Variants in LRP6 observed in about 807,000 individuals in gnomAD.
LRP6 encodes LDL receptor related protein 6.
Under a neutral mutation model 184.1 loss-of-function variants are expected in LRP6, and 43 were observed. The ratio of observed to expected loss-of-function variants is 0.23; its 90% confidence interval spans 0.18 to 0.30. The LOEUF is 0.30. Ranked by LOEUF, LRP6 falls within the 10% of genes least tolerant of loss-of-function variation. The pLI, the probability that LRP6 is intolerant of heterozygous loss-of-function variation, is 1.00. For synonymous variants in LRP6, 719 were observed against 684.9 expected, an observed-to-expected ratio of 1.05 and a Z score of -0.78; for missense variants, 1,571 against 2,005.3, an observed-to-expected ratio of 0.78 and a Z score of 4.14.
intron 16 of LRP6, 120 bp downstream of exon 16, chr12:12,138,205 G>T: frequency 3.2e-6 from 3 of 930,202 alleles, no homozygotes; most frequent in East Asian, 2.6e-5. Flanking sequence ...TCAAAAAAAT[G>T]GCAAAACTAA....
chr12:12,138,271 T>G, intron 16 of LRP6, 54 bp downstream of exon 16: 1 of 1,437,958 alleles, frequency 7.0e-7, no homozygotes, highest in Non-Finnish European at 9.8e-7. Context: ...AAGTACATAT[T>G]AATTTATTAT....
chr12:12,157,890 CT>C (rs1862637656), intron 12 of LRP6, among the ~76,000 whole-genome samples: 1 of 152,010 alleles, frequency 6.6e-6, no homozygotes, highest in African/African-American at 2.4e-5. Flanking sequence ...CAGGTTTCCC[CT>C]AGCCAACAAT....
At chr12:12,227,787 T>TCA (rs1050467347) in intron 2 of LRP6, among the ~76,000 whole-genome samples, 19 of 152,246 alleles carry the variant, frequency 1.2e-4, no homozygotes, top group African/African-American at 4.1e-4. Context: ...TGATTTTAGC[T>TCA]TATATATAAG....
chr12:12,158,904 C>T lies in LRP6; in HGVS notation c.2716G>A (p.Ala906Thr). Residue 906 changes from alanine (A) to threonine (T), a missense_variant, in exon 12 of 23, where the codon GCT (alanine) becomes ACT (threonine). By Grantham distance (58) the Ala-to-Thr change is moderately conservative. Around this residue, in one of 4 missense-constraint regions of LRP6, gnomAD observed 158 missense variants for 258.4 expected, o/e 0.61. Coordinates refer to ENST00000261349, the MANE Select transcript of LRP6 (RefSeq NM_002336.3). The stretch of plus-strand genomic sequence containing the variant: ...CAAACAAAACCCCCAACTGGCACAG[C>T]CAAGCAGAGGTGGGAGCAGTGCCCA... Reference protein sequence around the residue: ...SNGHCSHLCLAVPVGGFVCGC... With the variant: ...SNGHCSHLCLTVPVGGFVCGC... 2 of 1,614,212 alleles carry T rather than the reference C, an allele frequency of 1.2e-6. No homozygotes were observed. Among genetic ancestry groups the T allele is most frequent in the Non-Finnish European group, 1.7e-6 (2 of 1,180,038 alleles).
At chr12:12,186,866 C>T in intron 4 of LRP6, 57 bp downstream of exon 4, 4 of 1,428,016 alleles carry the variant, frequency 2.8e-6, no homozygotes, top group Non-Finnish European at 4.0e-6. Flanking sequence ...TAAAGCCAGA[C>T]ATTAGAGTGC....
chr12:12,168,958 G>A (rs1278799536), intron 7 of LRP6, among the ~76,000 whole-genome samples: 2 of 152,152 alleles, frequency 1.3e-5, no homozygotes, highest in Admixed American at 6.5e-5. Flanking sequence ...GCCAGGCGCA[G>A]TGGTTCACAC....
chr12:12,149,190 CA>C lies in LRP6; in HGVS notation c.2995-38del, dbSNP rs754044524. ...AAGAAATACAGAGAAAATTAAACTC[CA>C]GGGGCAGATAACCCTGAGGCAATCA... is the stretch of plus-strand genomic sequence containing the variant. On this transcript the variant is annotated intron_variant, in intron 13 of 22. Coordinates refer to ENST00000261349, the MANE Select transcript of LRP6 (RefSeq NM_002336.3). 36 of 1,544,268 alleles carry C rather than the reference CA, an allele frequency of 2.3e-5. No individual in the cohort carries two copies. In the East Asian group the frequency reaches 8.1e-4, roughly 35 times the overall value.
intron 21 of LRP6, 101 bp downstream of exon 21, chr12:12,125,195 A>T: frequency 3.5e-6 from 5 of 1,433,740 alleles, no homozygotes; most frequent in Non-Finnish European, 4.9e-6. Flanking sequence ...TTACATTCAA[A>T]AACTACTTTT....
At chr12:12,129,445 T>C (rs532208588) in intron 19 of LRP6, among the ~76,000 whole-genome samples, 19 of 152,296 alleles carry the variant, frequency 1.2e-4, no homozygotes, top group South Asian at 4.1e-4. Flanking sequence ...TTCCCAGAGG[T>C]GCCTGTTTCA....
At position 12,155,284 on chromosome 12, in the gene LRP6, G is replaced by T. The variant is rs139225155; in HGVS notation, c.2791+3545C>A. The T allele has an allele frequency of 2.0e-4, 147 of 751,364 alleles. 2 individuals are homozygous for T. In the East Asian group the frequency reaches 2.7e-3, roughly 14 times the overall value. The allele number at this position is 751,364 out of a possible 1,614,324, so 46.5% of individuals were successfully genotyped here. ...AAAATGATGAACACAAAGGGAAAGA[G>T]GAGAGGCACCCGATACGTGTTCTCT... On this transcript the variant is annotated intron_variant, in intron 12 of 22. Transcript: ENST00000261349.
rs1950044662 is a variant in LRP6 at position 12,148,895 on chromosome 12, G to C, written c.3206+47C>G. 4 of 1,334,156 alleles carry C rather than the reference G, an allele frequency of 3.0e-6. No homozygotes were observed. In the Admixed American group the frequency reaches 6.7e-5, roughly 22 times the overall value. The allele number at this position is 1,334,156 out of a possible 1,614,324, so 82.6% of individuals were successfully genotyped here. Reference sequence around the variant, plus strand: ...TAACAGGCTGAAAAAGAAGGGTGAGGAGAGTCTCAGAAGCCACAGTATCTG... The same window carrying C: ...TAACAGGCTGAAAAAGAAGGGTGAGCAGAGTCTCAGAAGCCACAGTATCTG... On this transcript the variant is annotated intron_variant, in intron 14 of 22. Transcript: ENST00000261349.
At chr12:12,184,431 T>C (rs563221001) in intron 4 of LRP6, among the ~76,000 whole-genome samples, 89 of 152,144 alleles carry the variant, frequency 5.8e-4, no homozygotes, top group African/African-American at 2.0e-3. Flanking sequence ...AACTAAGTGC[T>C]ATTTTGCACA....
chr12:12,261,081 G>A (rs944828944), intron 1 of LRP6, among the ~76,000 whole-genome samples: 31 of 152,160 alleles, frequency 2.0e-4, no homozygotes, highest in Admixed American at 1.3e-4. Context: ...GTTCAGTACA[G>A]CAAATGGAAA....
chr12:12,220,823 C>T (rs2135869716), intron 2 of LRP6, among the ~76,000 whole-genome samples: 1 of 152,228 alleles, frequency 6.6e-6, no homozygotes, highest in South Asian at 2.1e-4. Flanking sequence ...TGGTCTCAAA[C>T]TCCTGAGCTA....
rs769643302 is a variant in LRP6 at position 12,164,342 on chromosome 12, G to C, written c.1983C>G (p.Val661=). 1 of 1,614,032 alleles carries C rather than the reference G, an allele frequency of 6.2e-7. No individual in the cohort carries two copies. Among genetic ancestry groups the C allele is most frequent in the South Asian group, 1.1e-5 (1 of 91,066 alleles). Residue 661 remains valine (V), a synonymous_variant, in exon 9 of 23, where the codon GTC becomes GTG. Coordinates refer to ENST00000261349, the MANE Select transcript of LRP6 (RefSeq NM_002336.3). ...CAAAATCCAAAGCAGAAGCTTCTTTGACACCAGTGAGTGGAATAGCCACAT... is the reference window on the plus strand; with the variant it reads ...CAAAATCCAAAGCAGAAGCTTCTTTCACACCAGTGAGTGGAATAGCCACAT... The part of the protein sequence containing the change: ...NNNVAIPLTG[V]KEASALDFDV...
intron 2 of LRP6, among the ~76,000 whole-genome samples, chr12:12,238,478 C>T (rs1283098522): frequency 6.6e-6 from 1 of 152,028 alleles, no homozygotes; most frequent in African/African-American, 2.4e-5. Flanking sequence ...CATCTAGACA[C>T]AGGGTAGACA....
At chr12:12,146,595 G>A (rs1419557565) in intron 15 of LRP6, among the ~76,000 whole-genome samples, 8 of 152,276 alleles carry the variant, frequency 5.3e-5, no homozygotes, top group East Asian at 1.9e-4. Context: ...AAAGGTAAAC[G>A]CCACGATGAG....
intron 12 of LRP6, among the ~76,000 whole-genome samples, chr12:12,156,940 G>C (rs554783222): frequency 6.6e-6 from 1 of 152,326 alleles, no homozygotes; most frequent in East Asian, 1.9e-4. Flanking sequence ...GCCTGTTTCT[G>C]TAATAAAGTT....
chr12:12,231,180 CAAAAAAAAAA>C lies in LRP6; in HGVS notation c.449+13072_449+13081del, dbSNP rs10661340. Among the ~76,000 whole-genome samples, 75 of 23,562 alleles carry C rather than the reference CAAAAAAAAAA, an allele frequency of 3.2e-3. No homozygotes were observed. In the East Asian group the frequency reaches 0.074, roughly 23 times the overall value. 15.5% of individuals were successfully genotyped at this position (23,562 alleles called of 152,430 possible). On this transcript the variant is annotated intron_variant, in intron 2 of 22. Coordinates refer to ENST00000261349, the MANE Select transcript of LRP6 (RefSeq NM_002336.3). ...TGGATGACAGAGCAAGACTCCATCT[CAAAAAAAAAA>C]AAAAAAAAAAAAAAAAAAGCAGTAC...
Sources: allele counts gnomAD v4.1 joint callset (sites outside exome capture counted in the v4.1 genomes callset), GRCh38; gene constraint gnomAD v4.1.1; regional missense constraint gnomAD v4.1.1; transcripts MANE v1.5; gene names NCBI Gene and HGNC (gene_info 2026-07-23, HGNC 2026-07-21).